Variants in CLEC12B observed in about 807,000 individuals in gnomAD.
CLEC12B encodes the protein C-type lectin domain family 12 member B.
In CLEC12B, 25 loss-of-function variants were observed where a neutral mutation model predicts 36.1. The observed-to-expected ratio is 0.69, with a 90% confidence interval of 0.50 to 0.97. CLEC12B has a LOEUF of 0.97. Among genes scored for constraint, CLEC12B ranks in the 50% least tolerant of loss-of-function variants. The pLI, the probability that CLEC12B is intolerant of heterozygous loss-of-function variation, is 0.00. For synonymous variants in CLEC12B, 110 were observed against 108.5 expected (o/e 1.01, Z -0.09); for missense variants, 325 against 318.4 (o/e 1.02, Z -0.16).
upstream of CLEC12B, among the ~76,000 whole-genome samples, chr12:10,010,191 G>C (rs201941993): frequency 3.9e-3 from 415 of 105,276 alleles, no homozygotes; most frequent in Non-Finnish European, 6.0e-3. Flanking sequence ...GTCTCTCTCT[G>C]TCTCTCTCTC....
upstream of CLEC12B, among the ~76,000 whole-genome samples, chr12:10,010,185 CTCTCTG>C (rs769229214): frequency 0.018 from 1,943 of 108,080 alleles, 20 homozygotes; most frequent in Non-Finnish European, 0.024. Flanking sequence ...CTCTCTGTCT[CTCTCTG>C]TCTCTCTCTC....
upstream of CLEC12B, among the ~76,000 whole-genome samples, chr12:10,007,919 C>A (rs1260500304): frequency 6.6e-6 from 1 of 152,022 alleles, no homozygotes; most frequent in Non-Finnish European, 1.5e-5. Flanking sequence ...GGATTGACAA[C>A]AATGAGAAGT....
At position 10,015,667 on chromosome 12, in the gene CLEC12B, C is replaced by T. The variant is rs1865467595; in HGVS notation, c.620C>T (p.Ser207Leu). The change falls in exon 5 of 6, where the codon TCA becomes TTA. Residue 207 changes from serine to leucine, a missense_variant. Coordinates refer to ENST00000338896, the MANE Select transcript of CLEC12B (RefSeq NM_001129998.3). ...LMFSFFWLGL[S>L]WDSSGRSWFW... ...TTTTCGTTCTTTTGGCTGGGATTAT[C>T]ATGGGACTCCTCTGGCAGAAGTTGG... 1.2e-6 allele frequency: 2 copies of T among 1,613,682 alleles called. No homozygotes were observed. Among genetic ancestry groups the T allele is most frequent in the Non-Finnish European group, 1.7e-6 (2 of 1,179,732 alleles).
chr12:10,006,250 AG>A (rs532078550), upstream of CLEC12B, among the ~76,000 whole-genome samples: 23 of 152,344 alleles, frequency 1.5e-4, no homozygotes, highest in African/African-American at 5.5e-4. Context: ...TGATGTGTTA[AG>A]CTAGAAAATC....
chr12:10,010,294 G>T (rs1283160289), upstream of CLEC12B, among the ~76,000 whole-genome samples: 5 of 151,940 alleles, frequency 3.3e-5, no homozygotes, highest in African/African-American at 1.2e-4. Context: ...CTGTCTTAAT[G>T]TGTGTCTCTC....
chr12:10,018,318 A>T lies in CLEC12B; in HGVS notation c.681-13A>T, dbSNP rs1462863442. The T allele has an allele frequency of 1.4e-6, 2 of 1,382,026 alleles. No homozygotes were observed. Among genetic ancestry groups the T allele is most frequent in the Non-Finnish European group, 2.0e-6 (2 of 1,021,334 alleles). 85.6% of individuals were successfully genotyped at this position (1,382,026 alleles called of 1,614,324 possible). A position where few individuals can be genotyped will look rare whatever the true frequency, so the allele number is the denominator to read the frequency against. ...AATACAGAATTTATAATTAATTTTAAATTAATTTTCAGATTTAGTACTAAA... is the reference window on the plus strand; with the variant it reads ...AATACAGAATTTATAATTAATTTTATATTAATTTTCAGATTTAGTACTAAA... On this transcript the variant is annotated splice_polypyrimidine_tract_variant and intron_variant, in intron 5 of 5. Coordinates refer to ENST00000338896, the MANE Select transcript of CLEC12B (RefSeq NM_001129998.3).
intron 1 of CLEC12B, among the ~76,000 whole-genome samples, chr12:10,012,015 A>AC (rs1865340907): frequency 2.0e-5 from 3 of 152,224 alleles, no homozygotes; most frequent in South Asian, 4.1e-4. Flanking sequence ...AAACATGACA[A>AC]CCATTGATAT....
In CLEC12B at chr12:10,014,532, T is replaced by C; in HGVS notation, c.200T>C (p.Ile67Thr). 1 of 1,612,364 alleles carries C rather than the reference T, an allele frequency of 6.2e-7. No homozygotes were observed. The highest frequency in any genetic ancestry group is 8.5e-7 in the Non-Finnish European group (1 of 1,178,612). Reference sequence around the variant, plus strand: ...CTGTCATGTCTTGGAGTTTTGCAGATATCTAATGACATTAACTCAGATTCA... The same window carrying C: ...CTGTCATGTCTTGGAGTTTTGCAGACATCTAATGACATTAACTCAGATTCA... ...LVTLGMMFLQ[I>T]SNDINSDSEK... The change falls in exon 3 of 6, where the codon ATA becomes ACA. Residue 67 changes from isoleucine to threonine, a missense_variant. Physicochemically the swap from Ile to Thr is moderately conservative, Grantham distance 89 (BLOSUM62 -1). Coordinates refer to ENST00000338896, the MANE Select transcript of CLEC12B (RefSeq NM_001129998.3).
Position 10,015,340 on chromosome 12 carries a change from T to C in CLEC12B, c.498T>C (p.Ala166=), listed in dbSNP as rs1471738567. The change falls in exon 4 of 6, where the codon GCT becomes GCC. Residue 166 remains alanine, a synonymous_variant. Coordinates refer to ENST00000338896, the MANE Select transcript of CLEC12B (RefSeq NM_001129998.3). The stretch of plus-strand genomic sequence containing the variant: ...CAACAAATGAGGAGAAAACCTGGGC[T>C]AACAGTAGAAAGGACTGCATAGACA... The part of the protein sequence containing the change: ...YFTTNEEKTW[A]NSRKDCIDKN... 1 of 1,613,328 alleles carries C rather than the reference T, an allele frequency of 6.2e-7. No homozygotes were observed. The highest frequency in any genetic ancestry group is 8.5e-7 in the Non-Finnish European group (1 of 1,179,608).
intron 2 of CLEC12B, 101 bp from the exon 3 acceptor site, chr12:10,014,422 T>A (rs1865420482): frequency 1.3e-6 from 1 of 795,978 alleles, no homozygotes; most frequent in Non-Finnish European, 2.0e-6. Context: ...TAAGAGCTAC[T>A]AATAAATCTT....
At chr12:10,015,898 A>G in intron 5 of CLEC12B, 171 bp downstream of exon 5, 1 of 1,413,510 alleles carries the variant, frequency 7.1e-7, no homozygotes, top group South Asian at 1.6e-5. Flanking sequence ...CATCTCTGTG[A>G]CAAATTTATA....
chr12:10,015,381 T>C lies in CLEC12B; in HGVS notation c.539T>C (p.Val180Ala). The change falls in exon 4 of 6, where the codon GTG becomes GCG. Residue 180 changes from valine (V) to alanine (A), a missense_variant. Transcript: ENST00000338896. ...TGCATAGACAAGAACTCCACCCTAGTGAAGATAGACAGTTTGGAAGAAAAG... is the reference window on the plus strand; with the variant it reads ...TGCATAGACAAGAACTCCACCCTAGCGAAGATAGACAGTTTGGAAGAAAAG... ...KDCIDKNSTL[V>A]KIDSLEEKDF... The C allele has an allele frequency of 6.2e-7, 1 of 1,612,954 alleles. No homozygotes were observed. Among genetic ancestry groups the C allele is most frequent in the African/African-American group, 1.3e-5 (1 of 74,980 alleles).
chr12:10,016,970 T>G (rs1865501968), intron 5 of CLEC12B: 1 of 978,930 alleles, frequency 1.0e-6, no homozygotes, highest in East Asian at 1.2e-4. Context: ...GTTTCACTCT[T>G]TAAAGCATGT....
In CLEC12B at chr12:10,010,757, A is replaced by G; in HGVS notation, c.-3A>G. The G allele has an allele frequency of 2.6e-6, 4 of 1,566,290 alleles. No individual in the cohort carries two copies. The highest frequency in any genetic ancestry group is 2.6e-6 in the Non-Finnish European group (3 of 1,136,954). ...ATAATTTAAAGTAGCGTTTTCTTCT[A>G]CAATGTCTGAAGAAGTGACCTACGC... is the stretch of plus-strand genomic sequence containing the variant. On this transcript the variant is annotated 5_prime_UTR_variant, in exon 1 of 6. Transcript: ENST00000338896.
chr12:10,015,986 A>G (rs1045655568), intron 5 of CLEC12B: 1 of 1,176,956 alleles, frequency 8.5e-7, no homozygotes, highest in Non-Finnish European at 1.1e-6. Context: ...CATTCAAAGT[A>G]TTTTATAAAT....
intron 2 of CLEC12B, chr12:10,013,364 T>C (rs1865386074): frequency 1.1e-5 from 2 of 178,568 alleles, no homozygotes; most frequent in Non-Finnish European, 2.3e-5. Context: ...GAGAAAGACA[T>C]ATAAACAAAG....
At chr12:10,009,897 C>A (rs1865282762), upstream of CLEC12B, among the ~76,000 whole-genome samples, 1 of 152,086 alleles carries the variant, frequency 6.6e-6, no homozygotes, top group Non-Finnish European at 1.5e-5. Flanking sequence ...ATAGCGCTCC[C>A]CCCCCATATT....
At position 10,015,232 on chromosome 12, in the gene CLEC12B, G is replaced by A; in HGVS notation, c.410-20G>A. 1 of 1,596,772 alleles carries A rather than the reference G, an allele frequency of 6.3e-7. No individual in the cohort carries two copies. The highest frequency in any genetic ancestry group is 1.3e-5 in the African/African-American group (1 of 74,098). On this transcript the variant is annotated intron_variant, in intron 3 of 5. Transcript: ENST00000338896. ...TCTAGAGTCTTCAGTTTATATTATTGGGTATAATTTCCTTTTCAGACCACA... is the reference window on the plus strand; with the variant it reads ...TCTAGAGTCTTCAGTTTATATTATTAGGTATAATTTCCTTTTCAGACCACA...
At chr12:10,006,911 C>T (rs942150885), upstream of CLEC12B, among the ~76,000 whole-genome samples, 3 of 151,652 alleles carry the variant, frequency 2.0e-5, no homozygotes, top group Non-Finnish European at 2.9e-5. Flanking sequence ...AAAAATTAGC[C>T]GGGCGGGGTG....
Sources: gnomAD v4.1 joint callset for allele counts (sites outside exome capture counted in the v4.1 genomes callset) on GRCh38, gnomAD v4.1.1 for gene constraint, MANE v1.5 for transcripts, NCBI Gene and HGNC (gene_info 2026-07-23, HGNC 2026-07-21) for gene names.